TBC1D12: variants seen among roughly 807,000 people sequenced by gnomAD.
TBC1D12 encodes the protein TBC1 domain family member 12, also known as TBC1 domain family, member 12.
In TBC1D12, 56 loss-of-function variants were observed where a neutral mutation model predicts 86.7. The ratio of observed to expected loss-of-function variants is 0.65; its 90% CI spans 0.52 to 0.81. The LOEUF (loss-of-function observed/expected upper bound fraction) is 0.81. Among genes scored for constraint, TBC1D12 ranks in the 30% least tolerant of loss-of-function variants. The probability of loss-of-function intolerance (pLI) is 0.00; values close to 1 mark genes in which losing one functional copy is unlikely to be tolerated. For synonymous variants in TBC1D12, 421 were observed against 411.7 expected, an observed-to-expected ratio of 1.02 and a Z score of -0.27; for missense variants, 1,023 against 1,038.8, an observed-to-expected ratio of 0.98 and a Z score of 0.21.
chr10:94,465,221 A>G (rs1160249855), intron 2 of TBC1D12, among the ~76,000 whole-genome samples: 1 of 151,072 alleles, frequency 6.6e-6, no homozygotes, highest in East Asian at 2.0e-4. Flanking sequence ...TGCATTGGTC[A>G]TTTGGAAAGT....
Position 94,409,087 on chromosome 10 carries a change from T to C in TBC1D12, c.971+5503T>C, listed in dbSNP as rs188494352. ...TTGGGGAGCTAGCTCAAGAGCCTTT[T>C]ATATCTTTTCCCTGTGTGTCACTCC... is the stretch of plus-strand genomic sequence containing the variant. On this transcript the variant is annotated intron_variant, in intron 1 of 12. Transcript: ENST00000225235. 3.8e-3 allele frequency among the ~76,000 whole-genome samples: 573 copies of C among 152,298 alleles called. 2 individuals are homozygous for C. The highest frequency in any genetic ancestry group is 0.013 in the African/African-American group (551 of 41,562).
intron 6 of TBC1D12, among the ~76,000 whole-genome samples, chr10:94,501,005 G>A (rs1324051591): frequency 1.3e-5 from 2 of 151,986 alleles, no homozygotes; most frequent in African/African-American, 2.4e-5. Context: ...GCAGTGAGCC[G>A]AGATCGCGCC....
chr10:94,434,723 TAGTG>T (rs2134081103), intron 1 of TBC1D12, among the ~76,000 whole-genome samples: 1 of 152,028 alleles, frequency 6.6e-6, no homozygotes, highest in Non-Finnish European at 1.5e-5. Flanking sequence ...CTGGGAAACA[TAGTG>T]AGACCTCGTC....
chr10:94,493,151 TACAC>T (rs10532128), intron 3 of TBC1D12, among the ~76,000 whole-genome samples: 34 of 149,938 alleles, frequency 2.3e-4, no homozygotes, highest in East Asian at 3.9e-4. Flanking sequence ...GACATAGAAC[TACAC>T]ACACACACAC....
rs1264699156 is a variant in TBC1D12, at chr10:94,534,872, T to G, written c.*1776T>G. The G allele has an allele frequency of 6.6e-6, 1 of 152,172 alleles. No homozygotes were observed. Among genetic ancestry groups the G allele is most frequent in the Non-Finnish European group, 1.5e-5 (1 of 68,020 alleles). The allele number at this position is 152,172 out of a possible 1,614,324, so 9.4% of individuals were successfully genotyped here. ...GCTGAAAATAGAGCATTGAAACTCT[T>G]CACAATGTGCTGCATTGGGTTTCTG... On this transcript the variant is annotated 3_prime_UTR_variant, in exon 13 of 13. Transcript: ENST00000225235.
rs147373870 is a variant in TBC1D12 at position 94,528,961 on chromosome 10, A to G, written c.2001-2241A>G. 7.6e-3 allele frequency among the ~76,000 whole-genome samples: 1,161 copies of G among 152,264 alleles called. 9 individuals are homozygous for G. Among genetic ancestry groups the G allele is most frequent in the Middle Eastern group, 0.027 (8 of 294 alleles). On this transcript the variant is annotated intron_variant, in intron 11 of 12. Coordinates refer to ENST00000225235, the MANE Select transcript of TBC1D12 (RefSeq NM_015188.2). ...ATTAAGCTTTAATGTAGAAAAATAA[A>G]TAATGGCATTGGTCAAATGTGTCTT...
At chr10:94,466,126 G>A (rs546621884) in intron 2 of TBC1D12, among the ~76,000 whole-genome samples, 77 of 151,718 alleles carry the variant, frequency 5.1e-4, no homozygotes, top group African/African-American at 1.8e-3. Flanking sequence ...CATATAGTTG[G>A]GTCTTAGTTT....
chr10:94,499,915 A>G (rs2056372213), intron 5 of TBC1D12, among the ~76,000 whole-genome samples: 1 of 152,160 alleles, frequency 6.6e-6, no homozygotes, highest in Admixed American at 6.5e-5. Flanking sequence ...AATTGGTGAT[A>G]CATTTTTATG....
intron 1 of TBC1D12, among the ~76,000 whole-genome samples, chr10:94,407,263 A>G (rs1376772253): frequency 6.6e-6 from 1 of 152,168 alleles, no homozygotes; most frequent in Non-Finnish European, 1.5e-5. Flanking sequence ...GGTGAGTTCT[A>G]TTTCAGTCCC....
In TBC1D12 at chr10:94,493,375, G is replaced by T; in HGVS notation, c.1222G>T (p.Ala408Ser). ...AATTTTTTTTTCCAGAAATCTTCCT[G>T]CCAAATCTGTGGAAGAAGCTTTACG... is the stretch of plus-strand genomic sequence containing the variant. ...ILEDRPSNLP[A>S]KSVEEALRHR... is the part of the protein sequence containing the mutation. Residue 408 changes from alanine to serine, a missense_variant, in exon 4 of 13, where the codon GCC becomes TCC. Around this residue, in one of 2 missense-constraint regions of TBC1D12, gnomAD observed 395 missense variants for 507.7 expected, o/e 0.78. Coordinates refer to ENST00000225235, the MANE Select transcript of TBC1D12 (RefSeq NM_015188.2). The T allele has an allele frequency of 6.2e-7, 1 of 1,609,954 alleles. No individual in the cohort carries two copies.
chr10:94,417,842 G>C, intron 1 of TBC1D12, among the ~76,000 whole-genome samples: 1 of 150,670 alleles, frequency 6.6e-6, no homozygotes, highest in East Asian at 2.0e-4. Flanking sequence ...TCCACCTCCC[G>C]GGTTCACGCC....
chr10:94,507,438 C>A (rs2134200623), intron 7 of TBC1D12, 91 bp downstream of exon 7: 2 of 1,138,560 alleles, frequency 1.8e-6, no homozygotes, highest in East Asian at 2.6e-5. Context: ...TTACATATAT[C>A]ATCTTATTTA....
chr10:94,461,849 T>A (rs2055734525), intron 2 of TBC1D12, among the ~76,000 whole-genome samples: 1 of 152,210 alleles, frequency 6.6e-6, no homozygotes, highest in Non-Finnish European at 1.5e-5. Flanking sequence ...AATCTAAGAA[T>A]AATTATTAAT....
At chr10:94,423,682 G>C (rs535658501) in intron 1 of TBC1D12, among the ~76,000 whole-genome samples, 1 of 152,148 alleles carries the variant, frequency 6.6e-6, no homozygotes, top group South Asian at 2.1e-4. Context: ...CAATCTCTAA[G>C]GCTTCTATTA....
At chr10:94,494,682 C>T (rs1236329973) in intron 4 of TBC1D12, among the ~76,000 whole-genome samples, 2 of 151,442 alleles carry the variant, frequency 1.3e-5, no homozygotes, top group African/African-American at 4.9e-5. Context: ...TAGCTGGGAC[C>T]ATAGGCGTGC....
intron 1 of TBC1D12, among the ~76,000 whole-genome samples, chr10:94,440,682 C>T (rs961137218): frequency 1.3e-5 from 2 of 152,146 alleles, no homozygotes; most frequent in African/African-American, 4.8e-5. Flanking sequence ...AATTTTCTTA[C>T]TGTTCACTTA....
chr10:94,479,245 A>C (rs2056040971), intron 3 of TBC1D12, among the ~76,000 whole-genome samples: 2 of 152,204 alleles, frequency 1.3e-5, no homozygotes, highest in African/African-American at 4.8e-5. Context: ...AAGCAAAAGA[A>C]AAAAATAATA....
chr10:94,463,552 G>C (rs1289137507), intron 2 of TBC1D12, among the ~76,000 whole-genome samples: 1 of 152,098 alleles, frequency 6.6e-6, no homozygotes, highest in South Asian at 2.1e-4. Context: ...CCTCTTAAAG[G>C]CTCCCCCACC....
chr10:94,533,156 G>T lies in TBC1D12; in HGVS notation c.*60G>T. ...AGTGGTTTTTGGATAAAGGTTTTTT[G>T]TTTCCTATGTAAAAGGCGTGGAAGA... On this transcript the variant is annotated 3_prime_UTR_variant, in exon 13 of 13. Coordinates refer to ENST00000225235, the MANE Select transcript of TBC1D12 (RefSeq NM_015188.2). 9.2e-7 allele frequency: 1 copy of T among 1,092,824 alleles called. No individual in the cohort carries two copies. 67.7% of individuals were successfully genotyped at this position (1,092,824 alleles called of 1,614,324 possible). A position where few individuals can be genotyped will look rare whatever the true frequency, so the allele number is the denominator to read the frequency against.
Sources: allele counts gnomAD v4.1 joint callset (sites outside exome capture counted in the v4.1 genomes callset), GRCh38; gene constraint gnomAD v4.1.1; regional missense constraint gnomAD v4.1.1; transcripts MANE v1.5; gene names NCBI Gene and HGNC (gene_info 2026-07-23, HGNC 2026-07-21).